ARMC2: variants seen among roughly 807,000 people sequenced by gnomAD.
ARMC2 encodes the protein armadillo repeat-containing protein 2.
ARMC2 carries 67 observed loss-of-function variants against 90.3 expected under a neutral mutation model. That is an observed-to-expected ratio of 0.74 (90% CI 0.61 to 0.91). ARMC2 has a LOEUF of 0.91. ARMC2 is among the 40% of genes least tolerant of loss of function. ARMC2 has a pLI of 0.00. For synonymous variants in ARMC2, 393 were observed against 393.0 expected, an observed-to-expected ratio of 1.00 and a Z score of 0.00; for missense variants, 920 against 1,030.9, an observed-to-expected ratio of 0.89 and a Z score of 1.47.
chr6:108,954,877 A>G (rs1273345396), intron 13 of ARMC2, among the ~76,000 whole-genome samples: 2 of 152,196 alleles, frequency 1.3e-5, no homozygotes, highest in African/African-American at 2.4e-5. Flanking sequence ...AGCTTCAACA[A>G]CAGACATGTA....
At position 108,956,309 on chromosome 6, in the gene ARMC2, T is replaced by C. The variant is rs375410614; in HGVS notation, c.1915+2958T>C. 3.3e-5 allele frequency among the ~76,000 whole-genome samples: 5 copies of C among 152,254 alleles called. No homozygotes were observed. In the East Asian group the frequency reaches 9.7e-4, roughly 29 times the overall value. Reference sequence around the variant, plus strand: ...GTGAAAAAACTCCTCATCTTATAAATATTTTATGAGCTTAGAAATTACATT... The same window carrying C: ...GTGAAAAAACTCCTCATCTTATAAACATTTTATGAGCTTAGAAATTACATT... On this transcript the variant is annotated intron_variant, in intron 13 of 17. Transcript: ENST00000392644.
chr6:109,032,619 T>TA, the ARMC2 span, among the ~76,000 whole-genome samples: 1 of 147,874 alleles, frequency 6.8e-6, no homozygotes, highest in African/African-American at 2.5e-5. Flanking sequence ...CTTCATCTCG[T>TA]GGGGGGAGTG....
chr6:109,009,758 A>G, the ARMC2 span, among the ~76,000 whole-genome samples: 1 of 152,028 alleles, frequency 6.6e-6, no homozygotes, highest in East Asian at 1.9e-4. Flanking sequence ...CGAACAGCTA[A>G]TTCTCAGGTA....
the ARMC2 span, among the ~76,000 whole-genome samples, chr6:109,022,655 C>T: frequency 6.6e-6 from 1 of 151,956 alleles, no homozygotes; most frequent in Admixed American, 6.6e-5. Context: ...ACCTCGTGAT[C>T]TGTCCGCCTC....
intron 7 of ARMC2, among the ~76,000 whole-genome samples, chr6:108,903,696 G>A (rs1453314380): frequency 1.3e-5 from 2 of 152,120 alleles, no homozygotes; most frequent in Non-Finnish European, 2.9e-5. Flanking sequence ...ACACACATAC[G>A]TACATGAAAA....
rs984047418 is a variant in ARMC2, at chr6:108,885,832, A to G, written c.672-8635A>G. Among the ~76,000 whole-genome samples, 3 of 152,342 alleles carry G rather than the reference A, an allele frequency of 2.0e-5. No individual in the cohort carries two copies. In the South Asian group the frequency reaches 6.2e-4, roughly 32 times the overall value. On this transcript the variant is annotated intron_variant, in intron 5 of 17. Transcript: ENST00000392644. The stretch of plus-strand genomic sequence containing the variant: ...TTGCAGTCGAAGTATGGAAGAGACT[A>G]TAAAGCAGGATCAGCAAACTAAGGC...
Position 108,899,740 on chromosome 6 carries a change from C to T in ARMC2, c.795C>T (p.Asp265=), listed in dbSNP as rs775569588. ...AAGAGGACGCAGAAATAGAAGTAGA[C>T]GAAGTCTTTTGGAATACAAGGATTG... ...LQEEDAEIEV[D]EVFWNTRIVP... is the part of the protein sequence containing the mutation. The change falls in exon 7 of 18, where the codon GAC becomes GAT. Residue 265 remains aspartate (D), a synonymous_variant. Transcript: ENST00000392644. 20 of 1,613,266 alleles carry T rather than the reference C, an allele frequency of 1.2e-5. No homozygotes were observed. Among genetic ancestry groups the T allele is most frequent in the African/African-American group, 4.0e-5 (3 of 74,746 alleles).
the ARMC2 span, among the ~76,000 whole-genome samples, chr6:108,989,451 CTA>C: frequency 6.7e-6 from 1 of 148,286 alleles, no homozygotes; most frequent in Non-Finnish European, 1.5e-5. Context: ...AGATACATCT[CTA>C]TATCTAGAGA....
chr6:109,027,533 A>C, the ARMC2 span, among the ~76,000 whole-genome samples: 1 of 150,756 alleles, frequency 6.6e-6, no homozygotes, highest in Non-Finnish European at 1.5e-5. Flanking sequence ...CAGCATTGTC[A>C]ATTTAAAACA....
At chr6:108,925,463 C>T (rs1775018515) in intron 10 of ARMC2, among the ~76,000 whole-genome samples, 2 of 152,180 alleles carry the variant, frequency 1.3e-5, no homozygotes, top group African/African-American at 4.8e-5. Context: ...AGCGTCTAGT[C>T]TGGAGGAGTA....
At chr6:109,019,075 A>G in the ARMC2 span, among the ~76,000 whole-genome samples, 1 of 152,084 alleles carries the variant, frequency 6.6e-6, no homozygotes, top group African/African-American at 2.4e-5. Context: ...TTCTTATTTG[A>G]ACTTAAATAA....
chr6:108,994,558 A>T, the ARMC2 span: 5 of 1,613,620 alleles, frequency 3.1e-6, no homozygotes, highest in Non-Finnish European at 4.2e-6. Context: ...CATTCCTGTA[A>T]CTGCCTCATC....
the ARMC2 span, among the ~76,000 whole-genome samples, chr6:109,023,636 A>G: frequency 2.0e-5 from 3 of 152,172 alleles, no homozygotes; most frequent in Non-Finnish European, 1.5e-5. Context: ...TGAAATTACA[A>G]CTACTGGCAC....
At chr6:108,877,701 A>T (rs1005805998) in intron 5 of ARMC2, among the ~76,000 whole-genome samples, 1 of 152,264 alleles carries the variant, frequency 6.6e-6, no homozygotes, top group Non-Finnish European at 1.5e-5. Flanking sequence ...ATGAAAGTTG[A>T]CTAGAAAAAC....
At chr6:108,874,694 A>G (rs1054465167) in intron 4 of ARMC2, among the ~76,000 whole-genome samples, 4 of 152,216 alleles carry the variant, frequency 2.6e-5, no homozygotes, top group African/African-American at 9.6e-5. Context: ...GAGCATCCAC[A>G]TCACAGAGTG....
At chr6:109,038,504 A>G in the ARMC2 span, among the ~76,000 whole-genome samples, 1 of 152,316 alleles carries the variant, frequency 6.6e-6, no homozygotes, top group South Asian at 2.1e-4. Context: ...GTCTCAAAAA[A>G]CAAAAAACAA....
chr6:108,880,049 A>T (rs1777367460), intron 5 of ARMC2: 3 of 418,616 alleles, frequency 7.2e-6, no homozygotes, highest in African/African-American at 2.1e-5. Flanking sequence ...AAAGGCACAA[A>T]GGCATTCTCC....
intron 3 of ARMC2, among the ~76,000 whole-genome samples, chr6:108,862,413 A>G (rs570641833): frequency 7.2e-5 from 11 of 151,804 alleles, no homozygotes; most frequent in African/African-American, 2.7e-4. Context: ...AGAAGTTCCC[A>G]TTTTAAGGAA....
At chr6:109,021,330 T>C in the ARMC2 span, among the ~76,000 whole-genome samples, 3 of 152,296 alleles carry the variant, frequency 2.0e-5, no homozygotes, top group South Asian at 6.2e-4. Flanking sequence ...CATTGTAGGA[T>C]GCTGTAAAAT....
Sources: gnomAD v4.1 joint callset for allele counts (sites outside exome capture counted in the v4.1 genomes callset) on GRCh38, gnomAD v4.1.1 for gene constraint, MANE v1.5 for transcripts, NCBI Gene and HGNC (gene_info 2026-07-23, HGNC 2026-07-21) for gene names.